The following ROBO2 variants were observed in gnomAD, a reference collection of about 807,000 sequenced individuals.
ROBO2 encodes the protein roundabout homolog 2.
Under a neutral mutation model 160.8 loss-of-function variants are expected in ROBO2, and 53 were observed. The ratio of observed to expected loss-of-function variants is 0.33; its 90% CI spans 0.26 to 0.41. ROBO2 has a LOEUF of 0.41. ROBO2 is among the 10% of genes least tolerant of loss of function. The probability of loss-of-function intolerance (pLI) is 1.00; values close to 1 mark genes in which losing one functional copy is unlikely to be tolerated. For missense variants in ROBO2, 1,577 were observed against 1,722.4 expected (o/e 0.92, Z 1.49); for synonymous variants, 664 against 611.7 (o/e 1.09, Z -1.26).
chr3:77,311,996 G>T (rs2063582651), intron 2 of ROBO2, among the ~76,000 whole-genome samples: 1 of 152,036 alleles, frequency 6.6e-6, no homozygotes, highest in South Asian at 2.1e-4. Flanking sequence ...TGAGGCAGGA[G>T]AACTGCTTGA....
chr3:75,912,067 G>A (rs9310350), intron 1 of ROBO2, among the ~76,000 whole-genome samples: 130,279 of 152,160 alleles, frequency 0.86, 55,849 homozygotes, highest in East Asian at 0.93. Context: ...TGCAATGTCA[G>A]TCTTGCACAA....
At chr3:75,995,086 G>A (rs566392682) in intron 2 of ROBO2, among the ~76,000 whole-genome samples, 1 of 152,302 alleles carries the variant, frequency 6.6e-6, no homozygotes, top group East Asian at 1.9e-4. Flanking sequence ...CTGACAATGT[G>A]ATAGACAAGA....
intron 2 of ROBO2, among the ~76,000 whole-genome samples, chr3:76,137,372 C>G (rs202032844): frequency 6.6e-6 from 1 of 151,950 alleles, no homozygotes; most frequent in East Asian, 1.9e-4. Flanking sequence ...AAAACGTACC[C>G]TTTCTATGCC....
chr3:76,101,330 C>T (rs924448213), intron 2 of ROBO2, among the ~76,000 whole-genome samples: 3 of 152,060 alleles, frequency 2.0e-5, no homozygotes, highest in Non-Finnish European at 2.9e-5. Flanking sequence ...ACAGCAGTGC[C>T]AACCTTTATG....
intron 2 of ROBO2, among the ~76,000 whole-genome samples, chr3:77,331,798 C>T (rs1244789438): frequency 4.6e-5 from 7 of 152,106 alleles, no homozygotes; most frequent in Non-Finnish European, 7.4e-5. Context: ...CTCCATCATC[C>T]AGGTTCAAGC....
At chr3:76,054,303 A>G (rs1234775098) in intron 2 of ROBO2, among the ~76,000 whole-genome samples, 1 of 152,152 alleles carries the variant, frequency 6.6e-6, no homozygotes, top group Admixed American at 6.5e-5. Context: ...GTCAGATGGA[A>G]AAACCTCTCC....
intron 2 of ROBO2, among the ~76,000 whole-genome samples, chr3:76,834,048 C>CCTT (rs2067346361): frequency 9.7e-6 from 1 of 102,658 alleles, no homozygotes; most frequent in Non-Finnish European, 2.1e-5. Context: ...TCCTTTCTTT[C>CCTT]TCTCCTTTCT....
In ROBO2 at chr3:76,194,604, C is replaced by T. The variant is rs1702172811; in HGVS notation, c.109+257002C>T. On this transcript the variant is annotated intron_variant, in intron 2 of 26. Coordinates refer to the ROBO2 transcript ENST00000487694. The stretch of plus-strand genomic sequence containing the variant: ...ATACCGGAAGGACTGTAGATCTAAT[C>T]AATACCTGACTTTAATGTGATTTTT... Among the ~76,000 whole-genome samples the T allele has an allele frequency of 2.0e-5, 3 of 151,360 alleles. No individual in the cohort carries two copies. In the South Asian group the frequency reaches 6.3e-4, roughly 32 times the overall value.
At chr3:76,074,952 G>C (rs1161614555) in intron 2 of ROBO2, among the ~76,000 whole-genome samples, 1 of 152,092 alleles carries the variant, frequency 6.6e-6, no homozygotes, top group Non-Finnish European at 1.5e-5. Flanking sequence ...TGTGACAATA[G>C]GGTTTTTCAT....
intron 2 of ROBO2, among the ~76,000 whole-genome samples, chr3:77,384,008 A>G (rs1190691817): frequency 6.6e-6 from 1 of 152,174 alleles, no homozygotes; most frequent in Non-Finnish European, 1.5e-5. Context: ...GAAAGAGTTT[A>G]CTAATTGACA....
intron 2 of ROBO2, among the ~76,000 whole-genome samples, chr3:76,008,888 C>G (rs2066109839): frequency 6.6e-6 from 1 of 152,076 alleles, no homozygotes; most frequent in Non-Finnish European, 1.5e-5. Context: ...ACGGGGAAAT[C>G]TATGTATATT....
intron 2 of ROBO2, among the ~76,000 whole-genome samples, chr3:76,685,213 A>G (rs1414289056): frequency 7.5e-6 from 1 of 133,124 alleles, no homozygotes. Context: ...TTTTTTTTCC[A>G]GTAATTTCAG....
At chr3:76,312,634 A>G (rs1231608165) in intron 2 of ROBO2, among the ~76,000 whole-genome samples, 1 of 152,172 alleles carries the variant, frequency 6.6e-6, no homozygotes, top group African/African-American at 2.4e-5. Flanking sequence ...TTTTCTTGCA[A>G]ACTGCAAGCA....
At chr3:77,546,304 A>C (rs1167823831) in intron 6 of ROBO2, 34 bp from the exon 8 acceptor site, 1 of 1,610,910 alleles carries the variant, frequency 6.2e-7, no homozygotes, top group Admixed American at 1.7e-5. Flanking sequence ...TCTATGGTTG[A>C]TATTTACACG....
At chr3:76,141,694 T>C (rs1432639721) in intron 2 of ROBO2, among the ~76,000 whole-genome samples, 1 of 151,952 alleles carries the variant, frequency 6.6e-6, no homozygotes, top group Non-Finnish European at 1.5e-5. Context: ...AGTCTAGAGA[T>C]CCATGTGGCT....
At chr3:77,395,337 G>A (rs1269601420) in intron 2 of ROBO2, among the ~76,000 whole-genome samples, 1 of 152,150 alleles carries the variant, frequency 6.6e-6, no homozygotes, top group South Asian at 2.1e-4. Context: ...TGGGGGAACA[G>A]CAGGTAGCAT....
rs189100917 is a variant in ROBO2, at chr3:76,604,699, G to A, written c.110-493315G>A. On this transcript the variant is annotated intron_variant, in intron 2 of 26. Coordinates refer to the ROBO2 transcript ENST00000487694. ...AGTTATGCTACTCAAATGCCAGGAAGTTTTCATGCTTTTGCATGGGAGTAT... is the reference window on the plus strand; with the variant it reads ...AGTTATGCTACTCAAATGCCAGGAAATTTTCATGCTTTTGCATGGGAGTAT... Among the ~76,000 whole-genome samples, 240 of 152,248 alleles carry A rather than the reference G, an allele frequency of 1.6e-3. 1 individual carries two copies. The highest frequency in any genetic ancestry group is 4.5e-3 in the African/African-American group (185 of 41,566).
intron 2 of ROBO2, among the ~76,000 whole-genome samples, chr3:76,695,656 C>T (rs2092912054): frequency 6.6e-6 from 1 of 151,930 alleles, no homozygotes; most frequent in Admixed American, 6.6e-5. Flanking sequence ...TACTGTGTAC[C>T]AAGTCCTATT....
At chr3:77,099,614 A>C (rs1021839240) in intron 2 of ROBO2, among the ~76,000 whole-genome samples, 2 of 152,214 alleles carry the variant, frequency 1.3e-5, no homozygotes, top group Non-Finnish European at 2.9e-5. Flanking sequence ...TACACACACA[A>C]AAATTCAAGA....
Sources: gnomAD v4.1 joint callset for allele counts (sites outside exome capture counted in the v4.1 genomes callset) on GRCh38, gnomAD v4.1.1 for gene constraint, MANE v1.5 for transcripts, NCBI Gene and HGNC (gene_info 2026-07-23, HGNC 2026-07-21) for gene names.